SIMC1: variants seen among roughly 807,000 people sequenced by gnomAD.
The protein encoded by SIMC1 is SUMO-interacting motif-containing protein 1.
A neutral mutation model predicts 82.3 loss-of-function variants in SIMC1; 55 were observed. The observed-to-expected ratio is 0.67, with a 90% CI of 0.54 to 0.84. SIMC1 has a LOEUF of 0.84. SIMC1 is among the 40% of genes least tolerant of loss of function. The pLI is 0.00. For missense variants in SIMC1, 915 were observed against 1,107.2 expected, an observed-to-expected ratio of 0.83 and a Z score of 2.46; for synonymous variants, 353 against 426.3, an observed-to-expected ratio of 0.83 and a Z score of 2.12.
intron 1 of SIMC1, among the ~76,000 whole-genome samples, chr5:176,279,686 T>C (rs368831458): frequency 1.3e-5 from 2 of 150,862 alleles, no homozygotes; most frequent in Non-Finnish European, 3.0e-5. Context: ...TTTGTTCTCG[T>C]TGGTTTCAAA....
intron 9 of SIMC1, 102 bp from the exon 10 acceptor site, chr5:176,345,081 G>A (rs113226596): frequency 2.1e-6 from 3 of 1,462,206 alleles, no homozygotes; most frequent in Non-Finnish European, 2.8e-6. Flanking sequence ...CCTGTAGCTA[G>A]TCAGCAAGTC....
At chr5:176,342,434 A>G (rs762649385) in intron 9 of SIMC1, among the ~76,000 whole-genome samples, 3 of 152,134 alleles carry the variant, frequency 2.0e-5, no homozygotes. Flanking sequence ...ATGTTAGCTG[A>G]AACACTTTAA....
At chr5:176,305,136 A>AGTG (rs1428016379) in intron 4 of SIMC1, among the ~76,000 whole-genome samples, 1 of 32,674 alleles carries the variant, frequency 3.1e-5, no homozygotes, top group African/African-American at 1.2e-4. Flanking sequence ...GCCATCCAGG[A>AGTG]GGGGGGGGGG....
intron 1 of SIMC1, among the ~76,000 whole-genome samples, chr5:176,246,774 A>T (rs1385865651): frequency 6.7e-5 from 10 of 149,184 alleles, no homozygotes; most frequent in Non-Finnish European, 1.2e-4. Context: ...CCCACCCCCC[A>T]ACAGGCCCGG....
intron 4 of SIMC1, among the ~76,000 whole-genome samples, chr5:176,312,402 G>A (rs1764699861): frequency 6.6e-6 from 1 of 152,058 alleles, no homozygotes; most frequent in Non-Finnish European, 1.5e-5. Context: ...CAGGCCTGGT[G>A]GCAGGCACCT....
chr5:176,307,236 C>T (rs1764465459), intron 4 of SIMC1, among the ~76,000 whole-genome samples: 1 of 152,118 alleles, frequency 6.6e-6, no homozygotes, highest in African/African-American at 2.4e-5. Context: ...CTATGGAAAA[C>T]AGTGAGGGAG....
At chr5:176,246,691 A>G (rs1019493484) in intron 1 of SIMC1, among the ~76,000 whole-genome samples, 1 of 152,032 alleles carries the variant, frequency 6.6e-6, no homozygotes, top group African/African-American at 2.4e-5. Flanking sequence ...TACACATGCC[A>G]TGGTGGCTGC....
chr5:176,270,875 A>G (rs1016043160), intron 1 of SIMC1, among the ~76,000 whole-genome samples: 4 of 152,284 alleles, frequency 2.6e-5, no homozygotes, highest in Admixed American at 1.3e-4. Context: ...CTGGGGTGCT[A>G]AATAAATTTG....
intron 2 of SIMC1, among the ~76,000 whole-genome samples, chr5:176,291,613 G>C (rs968676794): frequency 3.9e-4 from 59 of 152,168 alleles, no homozygotes; most frequent in African/African-American, 1.2e-3. Context: ...TAGGATTACA[G>C]GCGTGAGCCA....
intron 1 of SIMC1, among the ~76,000 whole-genome samples, chr5:176,283,199 A>G (rs183351754): frequency 2.0e-5 from 3 of 152,314 alleles, no homozygotes; most frequent in East Asian, 3.9e-4. Flanking sequence ...CCTTGAGAAG[A>G]GCAACTCTGA....
intron 1 of SIMC1, among the ~76,000 whole-genome samples, chr5:176,242,256 G>A (rs1761300182): frequency 6.6e-6 from 1 of 151,802 alleles, no homozygotes; most frequent in East Asian, 1.9e-4. Context: ...ATGCAGTTGT[G>A]ATACAAATTA....
chr5:176,303,353 G>C (rs1465928925), intron 4 of SIMC1, among the ~76,000 whole-genome samples: 47 of 135,474 alleles, frequency 3.5e-4, no homozygotes, highest in Non-Finnish European at 6.8e-4. Context: ...TTGAGACAGA[G>C]TTCAGCTCTT....
At chr5:176,240,202 G>A (rs2113090844) in intron 1 of SIMC1, among the ~76,000 whole-genome samples, 1 of 91,098 alleles carries the variant, frequency 1.1e-5, no homozygotes, top group Admixed American at 1.0e-4. Context: ...GATCATCAAG[G>A]AAAAGAGTAG....
chr5:176,284,442 T>C (rs1763169779), intron 1 of SIMC1, among the ~76,000 whole-genome samples: 2 of 152,102 alleles, frequency 1.3e-5, no homozygotes, highest in Admixed American at 1.3e-4. Flanking sequence ...CATAATGAAA[T>C]GAAGGCAGAA....
intron 4 of SIMC1, among the ~76,000 whole-genome samples, chr5:176,307,192 T>C (rs1764463319): frequency 6.6e-6 from 1 of 152,186 alleles, no homozygotes; most frequent in African/African-American, 2.4e-5. Context: ...TTAGAACCTT[T>C]GTGCACTCTT....
chr5:176,269,240 G>GA (rs1406381453), intron 1 of SIMC1, among the ~76,000 whole-genome samples: 1 of 152,002 alleles, frequency 6.6e-6, no homozygotes, highest in Non-Finnish European at 1.5e-5. Flanking sequence ...GATGAAATAG[G>GA]AAACAGATTA....
At chr5:176,279,019 G>T (rs1237693958) in intron 1 of SIMC1, among the ~76,000 whole-genome samples, 1 of 152,212 alleles carries the variant, frequency 6.6e-6, no homozygotes. Flanking sequence ...AGTTTCAGAA[G>T]GAGTGGTACC....
chr5:176,304,412 C>T (rs867600011), intron 4 of SIMC1: 335 of 177,430 alleles, frequency 1.9e-3, no homozygotes, highest in Middle Eastern at 8.6e-3. Flanking sequence ...CGGTCTCCAG[C>T]CCCTAACCGC....
chr5:176,297,403 G>C (rs1193934911), intron 4 of SIMC1, among the ~76,000 whole-genome samples: 1 of 150,268 alleles, frequency 6.7e-6, no homozygotes, highest in Non-Finnish European at 1.5e-5. Flanking sequence ...TCGGAAGGCT[G>C]AGGTAGGAGA....
Sources: allele counts gnomAD v4.1 joint callset (sites outside exome capture counted in the v4.1 genomes callset), GRCh38; gene constraint gnomAD v4.1.1; transcripts MANE v1.5; gene names NCBI Gene and HGNC (gene_info 2026-07-23, HGNC 2026-07-21).